Variants in ARHGEF7 observed in about 807,000 individuals in gnomAD.
ARHGEF7 encodes the protein PAK-interacting exchange factor beta.
A neutral mutation model predicts 109.8 loss-of-function variants in ARHGEF7; 33 were observed. That is an observed-to-expected ratio of 0.30 (90% confidence interval 0.23 to 0.40). ARHGEF7 has a LOEUF of 0.40. Among genes scored for constraint, ARHGEF7 ranks in the 10% least tolerant of loss-of-function variants. The probability of loss-of-function intolerance (pLI) is 1.00; values close to 1 mark genes in which losing one functional copy is unlikely to be tolerated. For synonymous variants in ARHGEF7, 458 were observed against 424.6 expected, an observed-to-expected ratio of 1.08 and a Z score of -0.97; for missense variants, 938 against 1,098.5, an observed-to-expected ratio of 0.85 and a Z score of 2.07.
At chr13:111,223,272 T>C (rs2084719971) in intron 5 of ARHGEF7, among the ~76,000 whole-genome samples, 1 of 152,226 alleles carries the variant, frequency 6.6e-6, no homozygotes, top group African/African-American at 2.4e-5. Flanking sequence ...TTTTGATTTA[T>C]AGTTAATTAG....
chr13:111,155,393 C>A (rs1335951554), intron 2 of ARHGEF7, among the ~76,000 whole-genome samples: 2 of 152,160 alleles, frequency 1.3e-5, no homozygotes, highest in Non-Finnish European at 2.9e-5. Flanking sequence ...GTATTACTGG[C>A]GTTGTTTATG....
rs1419912150 is a variant in ARHGEF7, at chr13:111,205,363, A to G, written c.327A>G (p.Lys109=). The change falls in exon 3 of 22, where the codon AAA becomes AAG. Residue 109 remains lysine (K), a synonymous_variant. Transcript: ENST00000646102. ...TCAGTTCCTTAGTGACTCTAAATAA[A>G]GTAACAGCAGGTAAGACTCTTTTTT... The part of the protein sequence containing the change: ...KVLSSLVTLN[K]VTADIGLGSD... 2.5e-6 allele frequency: 4 copies of G among 1,599,756 alleles called. No homozygotes were observed. The highest frequency in any genetic ancestry group is 3.4e-6 in the Non-Finnish European group (4 of 1,175,992).
intron 2 of ARHGEF7, among the ~76,000 whole-genome samples, chr13:111,196,250 A>G (rs935540085): frequency 6.6e-6 from 1 of 152,184 alleles, no homozygotes; most frequent in Admixed American, 6.5e-5. Context: ...TCCAGTCCCC[A>G]TGATCTGAGT....
intron 2 of ARHGEF7, among the ~76,000 whole-genome samples, chr13:111,177,252 C>G (rs538685093): frequency 6.6e-6 from 1 of 152,354 alleles, no homozygotes; most frequent in South Asian, 2.1e-4. Flanking sequence ...GGGGCTGAGG[C>G]TGGGCCTGTT....
intron 16 of ARHGEF7, among the ~76,000 whole-genome samples, chr13:111,285,341 T>G (rs771735009): frequency 1.3e-5 from 2 of 152,248 alleles, no homozygotes; most frequent in Non-Finnish European, 2.9e-5. Context: ...CTTCTGAGTC[T>G]TGGTCTCGCG....
chr13:111,180,540 G>A (rs1225896394), intron 2 of ARHGEF7, among the ~76,000 whole-genome samples: 2 of 152,222 alleles, frequency 1.3e-5, no homozygotes, highest in Non-Finnish European at 2.9e-5. Flanking sequence ...GAGCTTCTCA[G>A]TACCAGAAGC....
At chr13:111,194,364 A>AT (rs1170548412) in intron 2 of ARHGEF7, among the ~76,000 whole-genome samples, 1 of 151,984 alleles carries the variant, frequency 6.6e-6, no homozygotes, top group Non-Finnish European at 1.5e-5. Context: ...GGTCTCCTTG[A>AT]TTAGAGTATG....
chr13:111,213,613 T>C (rs2082760013), intron 4 of ARHGEF7, among the ~76,000 whole-genome samples: 2 of 152,212 alleles, frequency 1.3e-5, no homozygotes, highest in South Asian at 4.1e-4. Flanking sequence ...CCTTTTGTTG[T>C]TGTTGTTGTA....
intron 4 of ARHGEF7, among the ~76,000 whole-genome samples, chr13:111,211,738 T>C (rs1480923222): frequency 6.6e-6 from 1 of 152,222 alleles, no homozygotes; most frequent in Non-Finnish European, 1.5e-5. Flanking sequence ...AGTAGTTTTC[T>C]TGGATTAAAA....
At chr13:111,126,223 G>A (rs188351305) in intron 1 of ARHGEF7, among the ~76,000 whole-genome samples, 2 of 152,216 alleles carry the variant, frequency 1.3e-5, no homozygotes, top group Non-Finnish European at 2.9e-5. Flanking sequence ...GGGCGCGGTG[G>A]CTCACGCCTA....
In ARHGEF7 at chr13:111,280,359, C is replaced by A. The variant is rs746206370; in HGVS notation, c.1585+9C>A. 5 of 1,611,800 alleles carry A rather than the reference C, an allele frequency of 3.1e-6. No individual in the cohort carries two copies. Among genetic ancestry groups the A allele is most frequent in the Non-Finnish European group, 4.2e-6 (5 of 1,178,802 alleles). On this transcript the variant is annotated intron_variant, in intron 14 of 21. Transcript: ENST00000646102. ...TGCATTTGAAATATCAGGTGATAGGCACAAGCTGTGTGAGTGCTGTGTCTC... is the reference window on the plus strand; with the variant it reads ...TGCATTTGAAATATCAGGTGATAGGAACAAGCTGTGTGAGTGCTGTGTCTC...
intron 2 of ARHGEF7, among the ~76,000 whole-genome samples, chr13:111,202,105 GGTGA>G (rs1454336863): frequency 6.6e-6 from 1 of 152,156 alleles, no homozygotes; most frequent in East Asian, 1.9e-4. Context: ...TAAAAGTAAG[GGTGA>G]GTGTTTGAAA....
chr13:111,301,123 A>G (rs2093556695), intron 20 of ARHGEF7, among the ~76,000 whole-genome samples: 1 of 151,872 alleles, frequency 6.6e-6, no homozygotes, highest in Admixed American at 6.6e-5. Context: ...TAATTTTTGT[A>G]TTTTTAGTAG....
intron 2 of ARHGEF7, among the ~76,000 whole-genome samples, chr13:111,179,876 C>T (rs985910028): frequency 5.9e-5 from 9 of 152,200 alleles, no homozygotes; most frequent in African/African-American, 1.9e-4. Context: ...TGGGTCCCAG[C>T]GGAAGGCACT....
rs989532707 is a variant in ARHGEF7, at chr13:111,228,005, C to T, written c.671-5200C>T. Reference sequence around the variant, plus strand: ...CCCCAAATACTTACTTTGGTGAGCACTGTTGTGGAAACTGAGAAACACAGC... The same window carrying T: ...CCCCAAATACTTACTTTGGTGAGCATTGTTGTGGAAACTGAGAAACACAGC... On this transcript the variant is annotated intron_variant, in intron 5 of 21. Transcript: ENST00000646102. This position sits in a 1 kb window ranked among gnomAD's most constrained non-coding sequence, Gnocchi z 4.6. Among the ~76,000 whole-genome samples the T allele has an allele frequency of 2.0e-5, 3 of 152,214 alleles. No individual in the cohort carries two copies. Among genetic ancestry groups the T allele is most frequent in the African/African-American group, 7.2e-5 (3 of 41,448 alleles).
chr13:111,229,890 C>T (rs1395929314), intron 5 of ARHGEF7, among the ~76,000 whole-genome samples: 1 of 152,190 alleles, frequency 6.6e-6, no homozygotes, highest in African/African-American at 2.4e-5. Context: ...GAGCAGCCTG[C>T]ACACTTCCTT....
chr13:111,292,597 C>G (rs1323481228), intron 19 of ARHGEF7: 2 of 1,261,276 alleles, frequency 1.6e-6, no homozygotes, highest in Admixed American at 4.0e-5. Context: ...TTTTATAGCT[C>G]CAAATGGTTT....
intron 8 of ARHGEF7, among the ~76,000 whole-genome samples, chr13:111,259,088 C>T (rs747989768): frequency 6.6e-6 from 1 of 152,178 alleles, no homozygotes. Flanking sequence ...AGCTAGATTC[C>T]TAAGGTTTCA....
chr13:111,132,558 T>C (rs1001078679), intron 1 of ARHGEF7, among the ~76,000 whole-genome samples: 1 of 152,230 alleles, frequency 6.6e-6, no homozygotes, highest in Non-Finnish European at 1.5e-5. Context: ...GTTGTGAGAA[T>C]GTTATGAATA....
Sources: gnomAD v4.1 joint callset for allele counts (sites outside exome capture counted in the v4.1 genomes callset) on GRCh38, gnomAD v4.1.1 for gene constraint, Gnocchi (gnomAD v3.1) non-coding constraint, MANE v1.5 for transcripts, NCBI Gene and HGNC (gene_info 2026-07-23, HGNC 2026-07-21) for gene names.